Variants in PPEF1 observed in about 807,000 individuals in gnomAD.
The protein encoded by PPEF1 is serine/threonine-protein phosphatase with EF-hands 1.
In PPEF1, 12 loss-of-function variants were observed where a neutral mutation model predicts 53.3. That is an observed-to-expected ratio of 0.23 (90% CI 0.14 to 0.36). PPEF1 has a LOEUF of 0.36. Among genes scored for constraint, PPEF1 ranks in the 10% least tolerant of loss-of-function variants. PPEF1 has a pLI of 1.00. For missense variants in PPEF1, 334 were observed against 490.4 expected (o/e 0.68, Z 3.01); for synonymous variants, 165 against 176.7 (o/e 0.93, Z 0.52).
chrX:18,809,448 G>A (rs1177762928), intron 12 of PPEF1, among the ~76,000 whole-genome samples: 4 of 110,959 alleles, frequency 3.6e-5, no homozygotes, highest in Non-Finnish European at 7.5e-5. Context: ...GCTCACGCTT[G>A]TAGTCCCAGC....
chrX:18,786,075 G>T (rs773993112), intron 9 of PPEF1, among the ~76,000 whole-genome samples: 1 of 112,277 alleles, frequency 8.9e-6, no homozygotes, highest in African/African-American at 3.2e-5. Flanking sequence ...GTCAAATATT[G>T]GTGAACACAG....
chrX:18,729,118 T>C (rs12013870), intron 1 of PPEF1, among the ~76,000 whole-genome samples: 1,206 of 103,498 alleles, frequency 0.012, 15 homozygotes, highest in African/African-American at 0.039. Flanking sequence ...TTACTTAGCA[T>C]GTGCTTTTTA....
intron 9 of PPEF1, 144 bp downstream of exon 9, chrX:18,784,192 T>C: frequency 1.8e-6 from 1 of 545,758 alleles, no homozygotes; most frequent in Non-Finnish European, 2.6e-6. Flanking sequence ...TATAAAAGTA[T>C]AAATTTTAAG....
intron 3 of PPEF1, among the ~76,000 whole-genome samples, chrX:18,740,869 A>G (rs1336558509): frequency 9.1e-6 from 1 of 110,023 alleles, no homozygotes; most frequent in East Asian, 2.9e-4. Context: ...TATCTCCAAG[A>G]CAGATGCCAG....
upstream of PPEF1, among the ~76,000 whole-genome samples, chrX:18,679,556 A>G (rs976051638): frequency 1.8e-5 from 2 of 111,176 alleles, no homozygotes; most frequent in Non-Finnish European, 3.8e-5. Context: ...CCCCAGCTAC[A>G]CTCTAATCAA....
chrX:18,687,689 T>TC (rs1929150438), intron 3 of PPEF1, among the ~76,000 whole-genome samples: 1 of 100,965 alleles, frequency 9.9e-6, no homozygotes, highest in Non-Finnish European at 2.0e-5. Context: ...ATTCTTCTTT[T>TC]TTTTTTTTTT....
chrX:18,720,051 A>T (rs942904316), intron 1 of PPEF1, among the ~76,000 whole-genome samples: 1 of 111,719 alleles, frequency 9.0e-6, no homozygotes, highest in African/African-American at 3.3e-5. Context: ...AGAAAGACAT[A>T]CCACTTATCC....
intron 1 of PPEF1, among the ~76,000 whole-genome samples, chrX:18,722,165 A>G (rs1029579083): frequency 3.6e-5 from 4 of 112,599 alleles, no homozygotes; most frequent in Non-Finnish European, 7.5e-5. Flanking sequence ...AAACAAAAAT[A>G]ACAGTAATGA....
At chrX:18,804,888 G>A (rs1237968438) in intron 11 of PPEF1, among the ~76,000 whole-genome samples, 2 of 112,136 alleles carry the variant, frequency 1.8e-5, no homozygotes, top group Non-Finnish European at 3.8e-5. Context: ...AGTGTGTTGT[G>A]TTCCTTCAGT....
At chrX:18,693,522 C>T (rs1280009590) in intron 4 of PPEF1, among the ~76,000 whole-genome samples, 1 of 112,421 alleles carries the variant, frequency 8.9e-6, no homozygotes, top group African/African-American at 3.2e-5. Flanking sequence ...GCAAAAACCG[C>T]AGTTACTTTT....
exon 1 of PPEF1, chrX:18,675,968 G>GT (rs1316143667): frequency 3.4e-5 from 3 of 89,208 alleles, no homozygotes; most frequent in African/African-American, 8.2e-5. Context: ...GGGGGGGGGG[G>GT]GCATCTTTAA....
intron 3 of PPEF1, among the ~76,000 whole-genome samples, chrX:18,741,530 C>A (rs1019419689): frequency 9.0e-6 from 1 of 111,258 alleles, no homozygotes; most frequent in African/African-American, 3.3e-5. Flanking sequence ...GGAAGGTATA[C>A]AAATTATATG....
At position 18,823,941 on chromosome X, in the gene PPEF1, A is replaced by T; in HGVS notation, c.1520A>T (p.Gln507Leu). ...HRKSGKLSVS[Q>L]WAFCMENILG... The stretch of plus-strand genomic sequence containing the variant: ...TTGTTAGGAAAACTTTCTGTGAGCC[A>T]GTGGGCTTTTTGCATGGAGAACATT... The change falls in exon 14 of 16, where the codon CAG (glutamine) becomes CTG (leucine). Residue 507 changes from glutamine (Q) to leucine (L), a missense_variant. Transcript: ENST00000470157. 3 of 1,208,992 alleles carry T rather than the reference A, an allele frequency of 2.5e-6. No homozygotes were observed. The highest frequency in any genetic ancestry group is 3.4e-6 in the Non-Finnish European group (3 of 893,914).
chrX:18,690,696 T>G (rs962819579), intron 3 of PPEF1, among the ~76,000 whole-genome samples: 2 of 112,297 alleles, frequency 1.8e-5, no homozygotes, highest in Admixed American at 9.4e-5. Context: ...TTATCAACAT[T>G]CCTCCAAGAA....
intron 3 of PPEF1, among the ~76,000 whole-genome samples, chrX:18,689,421 A>T (rs1481322995): frequency 9.4e-6 from 1 of 105,994 alleles, no homozygotes; most frequent in African/African-American, 3.4e-5. Flanking sequence ...GGTGGAGGCT[A>T]CAGTGAGCTA....
At chrX:18,714,104 A>G (rs932253825) in intron 1 of PPEF1, among the ~76,000 whole-genome samples, 1 of 111,240 alleles carries the variant, frequency 9.0e-6, no homozygotes, top group South Asian at 3.7e-4. Flanking sequence ...ATAGAAAATG[A>G]TAGATATTAT....
intron 1 of PPEF1, 126 bp downstream of exon 1, chrX:18,707,952 C>T (rs1569244211): frequency 3.7e-6 from 2 of 545,550 alleles, no homozygotes; most frequent in Non-Finnish European, 6.0e-6. Flanking sequence ...CACAAGGCAT[C>T]GTTAGAGTAG....
chrX:18,744,717 GT>G (rs200079462), intron 3 of PPEF1, among the ~76,000 whole-genome samples: 7,329 of 110,810 alleles, frequency 0.066, 242 homozygotes, highest in Middle Eastern at 0.13. Flanking sequence ...TATCGGTAGT[GT>G]TTAGTAAAGC....
intron 1 of PPEF1, among the ~76,000 whole-genome samples, chrX:18,715,300 G>T (rs1052961776): frequency 9.0e-6 from 1 of 111,603 alleles, no homozygotes; most frequent in African/African-American, 3.3e-5. Context: ...GAGAGGCTGA[G>T]GTGGGTGGAT....
Sources: allele counts gnomAD v4.1 joint callset (sites outside exome capture counted in the v4.1 genomes callset), GRCh38; gene constraint gnomAD v4.1.1; transcripts MANE v1.5; gene names NCBI Gene and HGNC (gene_info 2026-07-23, HGNC 2026-07-21).